Variants in MAGI2 observed in about 807,000 individuals in gnomAD.
MAGI2 encodes membrane associated guanylate kinase, WW and PDZ domain containing 2.
MAGI2 carries 35 observed loss-of-function variants against 133.3 expected under a neutral mutation model. The observed-to-expected ratio is 0.26, with a 90% CI of 0.20 to 0.35. The LOEUF (loss-of-function observed/expected upper bound fraction) is 0.35. MAGI2 is among the 10% of genes least tolerant of loss of function. The pLI, the probability that MAGI2 is intolerant of heterozygous loss-of-function variation, is 1.00. For missense variants in MAGI2, 1,636 were observed against 1,863.4 expected (o/e 0.88, Z 2.25); for synonymous variants, 729 against 710.6 (o/e 1.03, Z -0.41).
rs140261836 is a variant in MAGI2 at position 79,353,865 on chromosome 7, T to C, written c.301+99155A>G. On this transcript the variant is annotated intron_variant, in intron 1 of 21. Coordinates refer to ENST00000354212, the MANE Select transcript of MAGI2 (RefSeq NM_012301.4). Reference sequence around the variant, plus strand: ...GCTGGGAGCCCTGCTTATGCTTCAGTGGCCATGTCCATTCATAGTTCTGGG... The same window carrying C: ...GCTGGGAGCCCTGCTTATGCTTCAGCGGCCATGTCCATTCATAGTTCTGGG... 1,092 of 195,066 alleles carry C rather than the reference T, an allele frequency of 5.6e-3. 52 individuals are homozygous for C. The highest frequency in any genetic ancestry group is 0.05 in the Admixed American group (895 of 18,060). 12.1% of individuals were successfully genotyped at this position (195,066 alleles called of 1,614,324 possible).
chr7:79,358,473 A>G (rs1842169553), intron 1 of MAGI2, among the ~76,000 whole-genome samples: 1 of 152,142 alleles, frequency 6.6e-6, no homozygotes, highest in Non-Finnish European at 1.5e-5. Context: ...GATGCAATAT[A>G]TATGGTAGTC....
At chr7:78,488,999 T>G (rs1861224) in intron 6 of MAGI2, among the ~76,000 whole-genome samples, 1 of 151,920 alleles carries the variant, frequency 6.6e-6, no homozygotes, top group Non-Finnish European at 1.5e-5. Flanking sequence ...AAGTATGTGA[T>G]TGTGGTCAAA....
At chr7:79,341,157 G>A (rs1840873414) in intron 1 of MAGI2, among the ~76,000 whole-genome samples, 1 of 152,102 alleles carries the variant, frequency 6.6e-6, no homozygotes, top group African/African-American at 2.4e-5. Flanking sequence ...AGAAATGCCT[G>A]AAATACATAT....
At chr7:79,183,979 TG>T (rs1182382940) in intron 1 of MAGI2, among the ~76,000 whole-genome samples, 1 of 151,038 alleles carries the variant, frequency 6.6e-6, no homozygotes, top group South Asian at 2.1e-4. Context: ...TACCAGAGTA[TG>T]GGGGGAGATG....
chr7:79,024,780 A>G (rs1403658532), intron 1 of MAGI2, among the ~76,000 whole-genome samples: 2 of 152,168 alleles, frequency 1.3e-5, no homozygotes, highest in Admixed American at 1.3e-4. Flanking sequence ...GATTACAGAA[A>G]TGCAAATCAA....
chr7:78,678,628 T>C (rs17442142), intron 2 of MAGI2, among the ~76,000 whole-genome samples: 9,525 of 152,236 alleles, frequency 0.063, 416 homozygotes, highest in East Asian at 0.11. Flanking sequence ...CATTAGACCA[T>C]AGCTGCATGT....
At chr7:79,201,325 C>CCTAGT (rs1828596282) in intron 1 of MAGI2, among the ~76,000 whole-genome samples, 1 of 151,914 alleles carries the variant, frequency 6.6e-6, no homozygotes, top group African/African-American at 2.4e-5. Context: ...ATTCACCTTG[C>CCTAGT]CTAACCTTGA....
At chr7:79,396,189 A>G (rs1244538899) in intron 1 of MAGI2, among the ~76,000 whole-genome samples, 1 of 152,022 alleles carries the variant, frequency 6.6e-6, no homozygotes, top group Non-Finnish European at 1.5e-5. Context: ...CTTTGCAGTT[A>G]GGTCCAGCCA....
At chr7:78,332,787 TGA>T (rs1789368081) in intron 9 of MAGI2, among the ~76,000 whole-genome samples, 1 of 151,832 alleles carries the variant, frequency 6.6e-6, no homozygotes, top group Non-Finnish European at 1.5e-5. Context: ...GTTATTGGTC[TGA>T]GAGATACATT....
intron 2 of MAGI2, among the ~76,000 whole-genome samples, chr7:78,654,187 C>T (rs1490043657): frequency 6.6e-6 from 1 of 152,114 alleles, no homozygotes; most frequent in Non-Finnish European, 1.5e-5. Flanking sequence ...CAAACCCTGG[C>T]TCTATCACTT....
At chr7:78,399,312 A>G (rs1162863188) in intron 6 of MAGI2, among the ~76,000 whole-genome samples, 3 of 152,228 alleles carry the variant, frequency 2.0e-5, no homozygotes, top group Non-Finnish European at 4.4e-5. Context: ...TGCTATACAC[A>G]CATACAAAAT....
At chr7:78,665,720 A>C (rs1303285953) in intron 2 of MAGI2, among the ~76,000 whole-genome samples, 1 of 152,160 alleles carries the variant, frequency 6.6e-6, no homozygotes, top group Non-Finnish European at 1.5e-5. Flanking sequence ...AAGAAACCAT[A>C]TATCTAGGAT....
intron 20 of MAGI2, among the ~76,000 whole-genome samples, chr7:78,121,445 C>T (rs1186426192): frequency 6.6e-6 from 1 of 152,026 alleles, no homozygotes; most frequent in African/African-American, 2.4e-5. Context: ...CATGTACAGG[C>T]ATTTTTTAGT....
At chr7:78,370,668 C>T (rs1273350628) in intron 6 of MAGI2, among the ~76,000 whole-genome samples, 2 of 151,884 alleles carry the variant, frequency 1.3e-5, no homozygotes, top group Non-Finnish European at 2.9e-5. Context: ...TTTTGTTTCT[C>T]TGTACCATCA....
chr7:78,523,218 A>C (rs1347200262), intron 3 of MAGI2, among the ~76,000 whole-genome samples: 1 of 152,172 alleles, frequency 6.6e-6, no homozygotes, highest in Non-Finnish European at 1.5e-5. Flanking sequence ...TTCATCTGTA[A>C]GTTGGGAAGA....
chr7:78,783,012 CTTTTT>C (rs11432048), intron 2 of MAGI2, among the ~76,000 whole-genome samples: 35 of 96,198 alleles, frequency 3.6e-4, no homozygotes, highest in African/African-American at 1.2e-3. Context: ...TGATTCTTAC[CTTTTT>C]TTTTTTTTTT....
chr7:78,097,519 T>G (rs149599535), intron 20 of MAGI2, among the ~76,000 whole-genome samples: 6,277 of 152,226 alleles, frequency 0.041, 146 homozygotes, highest in East Asian at 0.068. Flanking sequence ...TGTGGGAACA[T>G]AGATGGAGCT....
At chr7:78,450,040 A>G (rs914123379) in intron 6 of MAGI2, among the ~76,000 whole-genome samples, 1 of 152,068 alleles carries the variant, frequency 6.6e-6, no homozygotes, top group Non-Finnish European at 1.5e-5. Flanking sequence ...CATTCAGGAC[A>G]ATATCCTTTG....
intron 2 of MAGI2, among the ~76,000 whole-genome samples, chr7:78,628,977 C>T (rs915567988): frequency 6.6e-6 from 1 of 151,862 alleles, no homozygotes; most frequent in African/African-American, 2.4e-5. Flanking sequence ...ACTAATTTAT[C>T]TGCATATTTC....
Sources: allele counts gnomAD v4.1 joint callset (sites outside exome capture counted in the v4.1 genomes callset), GRCh38; gene constraint gnomAD v4.1.1; transcripts MANE v1.5; gene names NCBI Gene and HGNC (gene_info 2026-07-23, HGNC 2026-07-21).